ATRN: variants seen among roughly 807,000 people sequenced by gnomAD.
ATRN encodes attractin, also known as attractin-2.
In ATRN, 54 loss-of-function variants were observed where a neutral mutation model predicts 178.7. That is an observed-to-expected ratio of 0.30 (90% CI 0.24 to 0.38). The LOEUF is 0.38. Among genes scored for constraint, ATRN ranks in the 10% least tolerant of loss-of-function variants. The pLI is 1.00. For synonymous variants in ATRN, 636 were observed against 663.0 expected (o/e 0.96, Z 0.63); for missense variants, 1,443 against 1,815.1 (o/e 0.79, Z 3.73).
At chr20:3,611,233 T>C (rs2086760226) in intron 24 of ATRN, among the ~76,000 whole-genome samples, 1 of 152,272 alleles carries the variant, frequency 6.6e-6, no homozygotes, top group Non-Finnish European at 1.5e-5. Context: ...GAAACCCTGT[T>C]ATGAAGATGA....
chr20:3,479,485 T>C (rs932804548), intron 1 of ATRN, among the ~76,000 whole-genome samples: 1 of 152,160 alleles, frequency 6.6e-6, no homozygotes, highest in Non-Finnish European at 1.5e-5. Context: ...TTTGGGCAGG[T>C]CTGAGAGGTT....
At position 3,471,346 on chromosome 20, in the gene ATRN, A is replaced by G; in HGVS notation, c.239A>G (p.Glu80Gly). The change falls in exon 1 of 29, where the codon GAG (glutamate) becomes GGG (glycine). Residue 80 changes from glutamate (E) to glycine (G), a missense_variant. Physicochemically the swap from Glu to Gly is moderately conservative, Grantham distance 98. Around this residue, in one of 4 missense-constraint regions of ATRN, gnomAD observed 862 missense variants for 972.1 expected, o/e 0.89. Transcript: ENST00000262919. ...PPLLLLLLPC[E>G]AEAAAAAAAV... ...CTGCTGCTGCTGCTGCTGCCCTGTG[A>G]GGCCGAGGCCGCGGCGGCGGCGGCG... 6.7e-7 allele frequency: 1 copy of G among 1,484,772 alleles called. No individual in the cohort carries two copies. Among genetic ancestry groups the G allele is most frequent in the Non-Finnish European group, 8.9e-7 (1 of 1,127,156 alleles). The allele number at this position is 1,484,772 out of a possible 1,614,324, so 92.0% of individuals were successfully genotyped here.
intron 1 of ATRN, among the ~76,000 whole-genome samples, chr20:3,517,190 G>A (rs2085217309): frequency 6.6e-6 from 1 of 151,894 alleles, no homozygotes. Context: ...AATTCCCCAT[G>A]AAAAAAGAGT....
At chr20:3,472,272 A>G (rs1281406740) in intron 1 of ATRN, among the ~76,000 whole-genome samples, 1 of 152,234 alleles carries the variant, frequency 6.6e-6, no homozygotes, top group Non-Finnish European at 1.5e-5. Flanking sequence ...TTGTGCAATG[A>G]TTTTCCAGAT....
intron 1 of ATRN, among the ~76,000 whole-genome samples, chr20:3,532,650 A>G (rs183362411): frequency 5.9e-5 from 9 of 152,348 alleles, no homozygotes; most frequent in Admixed American, 1.3e-4. Context: ...AAGGAAAAGC[A>G]TAATTAGGCA....
intron 12 of ATRN, 121 bp from the exon 13 acceptor site, chr20:3,575,706 C>T: frequency 9.2e-7 from 1 of 1,085,116 alleles, no homozygotes; most frequent in Non-Finnish European, 1.3e-6. Context: ...AATATATTTT[C>T]CTGCCAGTTT....
At chr20:3,498,629 A>G (rs1472365267) in intron 1 of ATRN, among the ~76,000 whole-genome samples, 1 of 152,202 alleles carries the variant, frequency 6.6e-6, no homozygotes, top group Non-Finnish European at 1.5e-5. Flanking sequence ...ACAAAATTCA[A>G]CAGCTCTTCA....
At chr20:3,490,280 G>A in intron 1 of ATRN, 1 of 1,219,790 alleles carries the variant, frequency 8.2e-7, no homozygotes, top group Non-Finnish European at 1.2e-6. Flanking sequence ...GGAGAAGGCG[G>A]AGAGGTCAAG....
chr20:3,563,487 G>A, intron 10 of ATRN, 124 bp downstream of exon 10: 2 of 982,562 alleles, frequency 2.0e-6, no homozygotes, highest in Non-Finnish European at 2.9e-6. Context: ...AGGTCCAAAT[G>A]GTATTTTTTA....
chr20:3,528,917 A>G (rs1482902420), intron 1 of ATRN, among the ~76,000 whole-genome samples: 2 of 151,922 alleles, frequency 1.3e-5, no homozygotes, highest in Non-Finnish European at 2.9e-5. Context: ...GGCTCAAGCA[A>G]TCCTTCTACC....
intron 3 of ATRN, among the ~76,000 whole-genome samples, chr20:3,544,497 G>C (rs182766510): frequency 2.5e-4 from 37 of 149,098 alleles, no homozygotes; most frequent in Non-Finnish European, 4.6e-4. Flanking sequence ...TTTACCAAAT[G>C]TGGTGGTGGT....
chr20:3,562,366 C>A lies in ATRN; in HGVS notation c.1538C>A (p.Ala513Asp), dbSNP rs759313901. 2.5e-6 allele frequency: 4 copies of A among 1,613,974 alleles called. No individual in the cohort carries two copies. The East Asian group carries it at 8.9e-5, about 36-fold the overall frequency. ...AGTGTTTACGACCATAGGACCAGGG[C>A]CCTATACGTTCATGGTGGCTACAAG... is the stretch of plus-strand genomic sequence containing the variant. Reference protein sequence around the residue: ...HSSVYDHRTRALYVHGGYKAF... With the variant: ...HSSVYDHRTRDLYVHGGYKAF... Residue 513 changes from alanine to aspartate, a missense_variant, in exon 9 of 29, where the codon GCC becomes GAC. Around this residue, in one of 4 missense-constraint regions of ATRN, gnomAD observed 862 missense variants for 972.1 expected, o/e 0.89. Coordinates refer to ENST00000262919, the MANE Select transcript of ATRN (RefSeq NM_139321.3).
chr20:3,490,398 A>T, intron 1 of ATRN: 7 of 969,534 alleles, frequency 7.2e-6, no homozygotes, highest in South Asian at 5.1e-5. Context: ...CAAAAAGTTC[A>T]TTCTGATCTT....
intron 24 of ATRN, among the ~76,000 whole-genome samples, chr20:3,621,155 C>T (rs1215588091): frequency 3.9e-5 from 6 of 151,940 alleles, no homozygotes; most frequent in Non-Finnish European, 7.4e-5. Flanking sequence ...GGTGAGGGAG[C>T]GTAGAGGAGA....
chr20:3,637,763 C>T (rs992280964), intron 26 of ATRN, among the ~76,000 whole-genome samples: 2 of 152,144 alleles, frequency 1.3e-5, no homozygotes, highest in African/African-American at 2.4e-5. Context: ...ACACGGATGC[C>T]CAGAGACTTC....
chr20:3,616,576 T>A (rs1240029495), intron 24 of ATRN, among the ~76,000 whole-genome samples: 1 of 152,008 alleles, frequency 6.6e-6, no homozygotes. Context: ...CTGGTGACAG[T>A]GCTATGAGCA....
chr20:3,476,049 G>T (rs946153246), intron 1 of ATRN, among the ~76,000 whole-genome samples: 4 of 152,222 alleles, frequency 2.6e-5, no homozygotes, highest in African/African-American at 9.6e-5. Context: ...GGAGGCTGAT[G>T]CAGGAGGATG....
intron 21 of ATRN, among the ~76,000 whole-genome samples, chr20:3,597,379 A>T (rs541445938): frequency 1.3e-5 from 2 of 152,162 alleles, no homozygotes; most frequent in Non-Finnish European, 2.9e-5. Flanking sequence ...TCATGAAAGA[A>T]GATATTACAG....
intron 11 of ATRN, among the ~76,000 whole-genome samples, chr20:3,568,279 G>A (rs552468001): frequency 6.7e-6 from 1 of 150,362 alleles, no homozygotes; most frequent in Non-Finnish European, 1.5e-5. Flanking sequence ...GCAACAGAGC[G>A]AGACTGTGTC....
Sources: gnomAD v4.1 joint callset for allele counts (sites outside exome capture counted in the v4.1 genomes callset) on GRCh38, gnomAD v4.1.1 for gene constraint, gnomAD v4.1.1 regional missense constraint, MANE v1.5 for transcripts, NCBI Gene and HGNC (gene_info 2026-07-23, HGNC 2026-07-21) for gene names.